DEDD2: variants seen among roughly 807,000 people sequenced by gnomAD.
DEDD2 encodes the protein death effector domain containing 2.
In DEDD2, 18 loss-of-function variants were observed where a neutral mutation model predicts 28.9. The observed-to-expected ratio is 0.62, with a 90% CI of 0.43 to 0.92. The LOEUF (loss-of-function observed/expected upper bound fraction) is 0.92, where lower values mean the gene tolerates loss of function less well. Ranked by LOEUF, DEDD2 falls within the 40% of genes least tolerant of loss-of-function variation. DEDD2 has a pLI of 0.00. For synonymous variants in DEDD2, 211 were observed against 206.1 expected (o/e 1.02, Z -0.20); for missense variants, 411 against 463.3 (o/e 0.89, Z 1.04).
chr19:42,202,244 ATCTC>A (rs918099302), intron 4 of DEDD2, among the ~76,000 whole-genome samples: 1 of 151,918 alleles, frequency 6.6e-6, no homozygotes, highest in Non-Finnish European at 1.5e-5. Context: ...CCAGGCCTTC[ATCTC>A]TCTCTCACGG....
chr19:42,219,395 G>A (rs1437766558), upstream of DEDD2, among the ~76,000 whole-genome samples: 2 of 152,054 alleles, frequency 1.3e-5, no homozygotes, highest in African/African-American at 4.8e-5. Flanking sequence ...GAGATCAGGA[G>A]TTCGAGAGCA....
At chr19:42,200,714 G>A (rs1317864064) in intron 4 of DEDD2, among the ~76,000 whole-genome samples, 2 of 152,158 alleles carry the variant, frequency 1.3e-5, no homozygotes, top group Non-Finnish European at 2.9e-5. Flanking sequence ...GATTCCTGAG[G>A]TCATCACATG....
In DEDD2 at chr19:42,199,701, G is replaced by T. The variant is rs1381742625; in HGVS notation, c.718C>A (p.Arg240Ser). 1.2e-6 allele frequency: 2 copies of T among 1,614,110 alleles called. No homozygotes were observed. The highest frequency in any genetic ancestry group is 1.3e-5 in the African/African-American group (1 of 75,056). ...ACCACAGAGCCCAGGTCCCTTGAGC[G>T]CAGCACTGCGGTGGCCTGCCCAAAC... ...DVFGQATAVL[R>S]SRDLGSVVCD... The change falls in exon 5 of 5, where the codon CGC becomes AGC. Residue 240 changes from arginine to serine, a missense_variant. Around this residue, in one of 2 missense-constraint regions of DEDD2, gnomAD observed 129 missense variants for 189.9 expected, o/e 0.68. Coordinates refer to ENST00000596251, the MANE Select transcript of DEDD2 (RefSeq NM_133328.4). This position sits in a 1 kb window ranked among gnomAD's most constrained non-coding sequence, Gnocchi z 7.4.
chr19:42,199,349 T>C lies in DEDD2; in HGVS notation c.*89A>G. On this transcript the variant is annotated 3_prime_UTR_variant, in exon 5 of 5. Coordinates refer to ENST00000596251, the MANE Select transcript of DEDD2 (RefSeq NM_133328.4). The surrounding 1 kb of genome is among the most constrained non-coding windows in gnomAD (Gnocchi z 7.4). ...GTCGCAGTCCTCAAAGATGCTAGAG[T>C]GACAGTCCTCTAGGGGTAGAGATGG... 1 of 1,431,954 alleles carries C rather than the reference T, an allele frequency of 7.0e-7. No individual in the cohort carries two copies. The highest frequency in any genetic ancestry group is 1.5e-5 in the South Asian group (1 of 68,252). The allele number at this position is 1,431,954 out of a possible 1,614,324, so 88.7% of individuals were successfully genotyped here. A position where few individuals can be genotyped will look rare whatever the true frequency, so the allele number is the denominator to read the frequency against.
intron 4 of DEDD2, among the ~76,000 whole-genome samples, 179 bp downstream of exon 4, chr19:42,209,521 T>C (rs965326686): frequency 1.3e-5 from 2 of 152,094 alleles, no homozygotes; most frequent in African/African-American, 2.4e-5. Flanking sequence ...CCTTCAACAA[T>C]GGACAGGATG....
intron 2 of DEDD2, 107 bp from the exon 3 acceptor site, chr19:42,215,359 G>C: frequency 7.2e-7 from 1 of 1,394,014 alleles, no homozygotes; most frequent in Non-Finnish European, 9.9e-7. Context: ...AGTAGTCAGA[G>C]CCCAAATACC....
chr19:42,214,636 C>A (rs1484694329), intron 3 of DEDD2, among the ~76,000 whole-genome samples: 1 of 151,752 alleles, frequency 6.6e-6, no homozygotes. Flanking sequence ...GGTGGCATAC[C>A]CCTGTAGTTC....
rs1162473827 is a variant in DEDD2, at chr19:42,199,077, G to C, written c.*361C>G. ...CAGCAGGGGCAGTGTGAGCATGAGC[G>C]AGTGTGTGCACCTGTGACAGTGCAG... On this transcript the variant is annotated 3_prime_UTR_variant, in exon 5 of 5. Transcript: ENST00000596251. This position sits in a 1 kb window ranked among gnomAD's most constrained non-coding sequence, Gnocchi z 7.4. 3.9e-6 allele frequency: 1 copy of C among 255,168 alleles called. No homozygotes were observed. Among genetic ancestry groups the C allele is most frequent in the Admixed American group, 5.0e-5 (1 of 20,046 alleles). 15.8% of individuals were successfully genotyped at this position (255,168 alleles called of 1,614,324 possible).
Position 42,199,967 on chromosome 19 carries a change from G to T in DEDD2, c.590-138C>A. 2 of 1,319,276 alleles carry T rather than the reference G, an allele frequency of 1.5e-6. No homozygotes were observed. Among genetic ancestry groups the T allele is most frequent in the Non-Finnish European group, 2.0e-6 (2 of 983,140 alleles). The allele number at this position is 1,319,276 out of a possible 1,614,324, so 81.7% of individuals were successfully genotyped here. ...ACCCTAGTCCTGACACAGCCTCCCC[G>T]GCTCTGTGGGGTTCCCTGACCAAGT... On this transcript the variant is annotated intron_variant, in intron 4 of 4. Coordinates refer to ENST00000596251, the MANE Select transcript of DEDD2 (RefSeq NM_133328.4). The surrounding 1 kb of genome is among the most constrained non-coding windows in gnomAD (Gnocchi z 7.4).
chr19:42,215,213 G>A lies in DEDD2; in HGVS notation c.368C>T (p.Ser123Leu). 6.2e-7 allele frequency: 1 copy of A among 1,613,904 alleles called. No homozygotes were observed. Among genetic ancestry groups the A allele is most frequent in the South Asian group, 1.1e-5 (1 of 91,032 alleles). The change falls in exon 3 of 5, where the codon TCA becomes TTA. Residue 123 changes from serine (S) to leucine (L), a missense_variant. Physicochemically the swap from Ser to Leu is moderately radical, Grantham distance 145. This residue lies in a region of DEDD2 where 282 missense variants were observed against 273.4 expected (regional missense o/e 1.03). Coordinates refer to ENST00000596251, the MANE Select transcript of DEDD2 (RefSeq NM_133328.4). ...ACGGCAGCTACCCTCTGTCCTCTTT[G>A]AAGAGCTGGAGGTGCCATAGCTATA... ...ERYSYGTSSS[S>L]KRTEGSCRRR...
intron 4 of DEDD2, among the ~76,000 whole-genome samples, chr19:42,201,178 A>T (rs1470593139): frequency 6.6e-6 from 1 of 152,262 alleles, no homozygotes; most frequent in Admixed American, 6.5e-5. Context: ...TGACTTGCCC[A>T]AGGTCACACG....
At chr19:42,209,878 T>G in intron 3 of DEDD2, 38 bp from the exon 4 acceptor site, 2 of 1,498,744 alleles carry the variant, frequency 1.3e-6, no homozygotes, top group Non-Finnish European at 1.8e-6. Flanking sequence ...AGGACCAGGA[T>G]GACAGCTAGA....
At chr19:42,202,376 C>T (rs1014426948) in intron 4 of DEDD2, among the ~76,000 whole-genome samples, 1 of 152,172 alleles carries the variant, frequency 6.6e-6, no homozygotes, top group Admixed American at 6.5e-5. Flanking sequence ...AATGACCTGT[C>T]CACCTCCTCC....
intron 4 of DEDD2, among the ~76,000 whole-genome samples, chr19:42,205,742 T>C (rs577145657): frequency 2.0e-5 from 3 of 152,150 alleles, no homozygotes; most frequent in Non-Finnish European, 4.4e-5. Context: ...CAGCCATGAG[T>C]TGACAATGGC....
chr19:42,214,425 C>T (rs371985388), intron 3 of DEDD2, among the ~76,000 whole-genome samples: 24 of 151,960 alleles, frequency 1.6e-4, no homozygotes, highest in East Asian at 1.4e-3. Context: ...ACCACTGCAC[C>T]GAAGCCTGAG....
At chr19:42,211,122 C>T (rs1020478223) in intron 3 of DEDD2, among the ~76,000 whole-genome samples, 2 of 151,132 alleles carry the variant, frequency 1.3e-5, no homozygotes, top group African/African-American at 4.9e-5. Flanking sequence ...TGAACCTGGT[C>T]GGATGTTGTG....
intron 4 of DEDD2, among the ~76,000 whole-genome samples, chr19:42,209,456 T>C (rs546068866): frequency 6.6e-6 from 1 of 152,096 alleles, no homozygotes; most frequent in South Asian, 2.1e-4. Context: ...CAAATGAAAC[T>C]AGGGCAGGGG....
rs555130493 is a variant in DEDD2, at chr19:42,199,181, G to T, written c.*257C>A. 4 of 550,990 alleles carry T rather than the reference G, an allele frequency of 7.3e-6. No homozygotes were observed. In the East Asian group the frequency reaches 1.2e-4, roughly 17 times the overall value. 34.1% of individuals were successfully genotyped at this position (550,990 alleles called of 1,614,324 possible). On this transcript the variant is annotated 3_prime_UTR_variant, in exon 5 of 5. Coordinates refer to ENST00000596251, the MANE Select transcript of DEDD2 (RefSeq NM_133328.4). The surrounding 1 kb of genome is among the most constrained non-coding windows in gnomAD (Gnocchi z 7.4). ...CTGTGCCCCTCCCTTCTGAGATACA[G>T]GCCCAGCCCCCGCCTCCGGAGGCTA...
At chr19:42,209,968 T>C in intron 3 of DEDD2, 128 bp from the exon 4 acceptor site, 2 of 1,250,506 alleles carry the variant, frequency 1.6e-6, no homozygotes, top group South Asian at 1.6e-5. Flanking sequence ...GCCTCCCTTC[T>C]TCAGTGGCCC....
Sources: allele counts gnomAD v4.1 joint callset (sites outside exome capture counted in the v4.1 genomes callset), GRCh38; gene constraint gnomAD v4.1.1; regional missense constraint gnomAD v4.1.1; non-coding constraint Gnocchi (gnomAD v3.1); transcripts MANE v1.5; gene names NCBI Gene and HGNC (gene_info 2026-07-23, HGNC 2026-07-21).